Variants in C2CD3 observed in about 807,000 individuals in gnomAD.
C2CD3 encodes the protein C2 domain-containing protein 3.
A neutral mutation model predicts 234.0 loss-of-function variants in C2CD3; 148 were observed. The ratio of observed to expected loss-of-function variants is 0.63; its 90% CI spans 0.55 to 0.72. The LOEUF (loss-of-function observed/expected upper bound fraction) is 0.72. Among genes scored for constraint, C2CD3 ranks in the 30% least tolerant of loss-of-function variants. The probability of loss-of-function intolerance (pLI) is 0.00; values close to 1 mark genes in which losing one functional copy is unlikely to be tolerated. For synonymous variants in C2CD3, 1,000 were observed against 1,035.4 expected, an observed-to-expected ratio of 0.97 and a Z score of 0.66; for missense variants, 2,577 against 2,811.5, an observed-to-expected ratio of 0.92 and a Z score of 1.89.
chr11:74,155,449 T>G (rs1356696480), intron 3 of C2CD3, among the ~76,000 whole-genome samples: 3 of 152,204 alleles, frequency 2.0e-5, no homozygotes, highest in African/African-American at 7.2e-5. Flanking sequence ...AGAACTTATA[T>G]ATGAATGCTA....
rs146218298 is a variant in C2CD3, at chr11:74,097,096, C to G, written c.2979+913G>C. Among the ~76,000 whole-genome samples the G allele has an allele frequency of 8.7e-3, 1,309 of 151,096 alleles. 16 individuals are homozygous for G. Among genetic ancestry groups the G allele is most frequent in the African/African-American group, 0.03 (1,228 of 41,144 alleles). On this transcript the variant is annotated intron_variant, in intron 16 of 32. Transcript: ENST00000334126. The stretch of plus-strand genomic sequence containing the variant: ...CCCAGTTGGTGGAGGTTGTAGTGAG[C>G]TGAGATGGCACCATTGCACTCCAGC...
chr11:74,016,152 T>C (rs567452579), intron 32 of C2CD3, among the ~76,000 whole-genome samples: 7 of 152,354 alleles, frequency 4.6e-5, no homozygotes, highest in African/African-American at 1.2e-4. Context: ...TCAACTCTTA[T>C]GGACAACAGG....
At chr11:74,117,161 TATATATATGA>T (rs1957039654) in intron 9 of C2CD3, among the ~76,000 whole-genome samples, 1 of 65,620 alleles carries the variant, frequency 1.5e-5, no homozygotes, top group African/African-American at 8.4e-5. Flanking sequence ...TATATGAATA[TATATATATGA>T]ATATATATAT....
intron 14 of C2CD3, 95 bp from the exon 15 acceptor site, chr11:74,100,771 A>G (rs1187031970): frequency 1.6e-5 from 17 of 1,059,154 alleles, no homozygotes; most frequent in Admixed American, 2.5e-5. Context: ...CAGAAAGCCT[A>G]TTGTTAACAC....
rs574292830 is a variant in C2CD3, at chr11:74,092,303, C to T, written c.3517+113G>A. 5.9e-4 allele frequency: 531 copies of T among 906,020 alleles called. 2 individuals are homozygous for T. Among genetic ancestry groups the T allele is most frequent in the Non-Finnish European group, 8.1e-4 (471 of 580,956 alleles). 56.1% of individuals were successfully genotyped at this position (906,020 alleles called of 1,614,324 possible). On this transcript the variant is annotated intron_variant, in intron 19 of 32. Coordinates refer to ENST00000334126, the MANE Select transcript of C2CD3 (RefSeq NM_001286577.2). ...CTCCTGACCTCAGGTGATCCACCCG[C>T]CTTGGCTTCCCAAAGTGCTGGGATT...
Position 74,139,736 on chromosome 11 carries a change from C to T in C2CD3, c.576G>A (p.Lys192=). 2 of 1,613,548 alleles carry T rather than the reference C, an allele frequency of 1.2e-6. No homozygotes were observed. Among genetic ancestry groups the T allele is most frequent in the Non-Finnish European group, 1.7e-6 (2 of 1,179,556 alleles). The part of the protein sequence containing the change: ...TDMTENVLLS[K]QGFRENTEPS... ...GTTCAGTATTCTCTCTGAATCCCTG[C>T]TTAGATAAAAGCACATTTTCTGTCA... is the stretch of plus-strand genomic sequence containing the variant. Residue 192 remains lysine (K), a synonymous_variant, in exon 4 of 33, where the codon AAG becomes AAA. Transcript: ENST00000334126.
At chr11:74,058,944 C>G (rs7121118) in intron 24 of C2CD3, among the ~76,000 whole-genome samples, 2 of 152,204 alleles carry the variant, frequency 1.3e-5, no homozygotes, top group Non-Finnish European at 1.5e-5. Flanking sequence ...ACTGAACCCA[C>G]AGAACATTTC....
chr11:74,161,759 T>G (rs1392558309), intron 2 of C2CD3, among the ~76,000 whole-genome samples: 1 of 151,916 alleles, frequency 6.6e-6, no homozygotes, highest in Non-Finnish European at 1.5e-5. Context: ...GGAAAGCAAT[T>G]CAGCAATAAC....
At chr11:74,143,668 A>ACGC (rs914747468) in intron 3 of C2CD3, among the ~76,000 whole-genome samples, 35 of 151,406 alleles carry the variant, frequency 2.3e-4, no homozygotes, top group Non-Finnish European at 4.1e-4. Context: ...TTATGGGCAC[A>ACGC]CGCCACCATG....
At chr11:74,089,229 C>A (rs1955781866) in intron 20 of C2CD3, among the ~76,000 whole-genome samples, 1 of 152,144 alleles carries the variant, frequency 6.6e-6, no homozygotes, top group African/African-American at 2.4e-5. Context: ...GTGATGGGAT[C>A]TGTACCCTAA....
Position 74,051,224 on chromosome 11 carries a change from A to G in C2CD3, c.5156-1682T>C, listed in dbSNP as rs562396477. Among the ~76,000 whole-genome samples the G allele has an allele frequency of 2.4e-4, 35 of 147,062 alleles. No individual in the cohort carries two copies. In the South Asian group the frequency reaches 6.9e-3, roughly 29 times the overall value. On this transcript the variant is annotated intron_variant, in intron 26 of 32. Transcript: ENST00000334126. Reference sequence around the variant, plus strand: ...GGTGGGAGGACTGCTTGAGCTCAGGAGTTCACAGCTGCAGTGAGCATAATC... The same window carrying G: ...GGTGGGAGGACTGCTTGAGCTCAGGGGTTCACAGCTGCAGTGAGCATAATC...
In C2CD3 at chr11:74,013,470, G is replaced by T. The variant is rs1470232255; in HGVS notation, c.6977C>A (p.Pro2326His). 1.4e-6 allele frequency: 2 copies of T among 1,421,804 alleles called. No individual in the cohort carries two copies. The highest frequency in any genetic ancestry group is 9.1e-7 in the Non-Finnish European group (1 of 1,093,354). The allele number at this position is 1,421,804 out of a possible 1,614,324, so 88.1% of individuals were successfully genotyped here. Residue 2326 changes from proline (P) to histidine (H), a missense_variant, in exon 33 of 33, where the codon CCT (proline) becomes CAT (histidine). Pro to His is a moderately conservative substitution (Grantham distance 77). Coordinates refer to ENST00000334126, the MANE Select transcript of C2CD3 (RefSeq NM_001286577.2). ...ALSQRPCRPR[P>H]NSLPLNLPEE... ...AGGCAGGTTGAGGGGGAGCGAGTTA[G>T]GTCTGGGGCGACAAGGCCTTTGGGA...
intron 20 of C2CD3, among the ~76,000 whole-genome samples, chr11:74,089,658 C>T (rs553716146): frequency 6.6e-6 from 1 of 152,326 alleles, no homozygotes; most frequent in South Asian, 2.1e-4. Flanking sequence ...ATCTAGTTCT[C>T]TTTCTTACTG....
At chr11:74,102,264 C>T (rs1220446099) in intron 14 of C2CD3, among the ~76,000 whole-genome samples, 1 of 152,126 alleles carries the variant, frequency 6.6e-6, no homozygotes, top group East Asian at 1.9e-4. Context: ...GTGATAAATT[C>T]AGATTTGAAC....
intron 29 of C2CD3, among the ~76,000 whole-genome samples, chr11:74,037,903 C>T (rs961642330): frequency 3.3e-5 from 5 of 152,118 alleles, no homozygotes; most frequent in Non-Finnish European, 5.9e-5. Flanking sequence ...GCAACTTTCT[C>T]CCCCTTTTGT....
At chr11:74,165,326 A>G (rs1456768841) in intron 2 of C2CD3, among the ~76,000 whole-genome samples, 1 of 152,138 alleles carries the variant, frequency 6.6e-6, no homozygotes, top group Non-Finnish European at 1.5e-5. Flanking sequence ...CTCATTTGTA[A>G]ATCTCTTCAT....
chr11:74,124,829 C>T (rs1274493543), intron 7 of C2CD3, among the ~76,000 whole-genome samples: 1 of 152,140 alleles, frequency 6.6e-6, no homozygotes, highest in Non-Finnish European at 1.5e-5. Flanking sequence ...GCTTGTTATT[C>T]CCCACTTTGT....
Position 74,074,452 on chromosome 11 carries a change from C to A in C2CD3, c.4752G>T (p.Gln1584His), listed in dbSNP as rs772148658. Residue 1584 changes from glutamine to histidine, a missense_variant, in exon 24 of 33, where the codon CAG becomes CAT. Gln to His is a conservative substitution (Grantham distance 24). Transcript: ENST00000334126. ...MDCSSHSESE[Q>H]LPRRNDEVQL... is the part of the protein sequence containing the mutation. Reference sequence around the variant, plus strand: ...GGACCTCATCATTCCTTCTGGGGAGCTGCTCAGACTCACTGTGGCTGCTGC... The same window carrying A: ...GGACCTCATCATTCCTTCTGGGGAGATGCTCAGACTCACTGTGGCTGCTGC... The A allele has an allele frequency of 6.2e-7, 1 of 1,614,210 alleles. No homozygotes were observed. The highest frequency in any genetic ancestry group is 2.2e-5 in the East Asian group (1 of 44,868).
rs764746914 is a variant in C2CD3, at chr11:74,033,506, G to A, written c.6654C>T (p.Leu2218=). The A allele has an allele frequency of 1.2e-5, 18 of 1,536,062 alleles. No homozygotes were observed. Among genetic ancestry groups the A allele is most frequent in the Admixed American group, 3.9e-5 (2 of 50,980 alleles). The change falls in exon 31 of 33, where the codon CTC becomes CTT. Residue 2218 remains leucine (L), a synonymous_variant. Coordinates refer to ENST00000334126, the MANE Select transcript of C2CD3 (RefSeq NM_001286577.2). ...PAENEAATSE[L]GDSADSFKKL... ...TCTTGAAGCTATCAGCAGAGTCACC[G>A]AGCTCACTGGTGGCAGCTTCATTCT...
Sources: gnomAD v4.1 joint callset for allele counts (sites outside exome capture counted in the v4.1 genomes callset) on GRCh38, gnomAD v4.1.1 for gene constraint, MANE v1.5 for transcripts, NCBI Gene and HGNC (gene_info 2026-07-23, HGNC 2026-07-21) for gene names.